FAM161B: variants seen among roughly 807,000 people sequenced by gnomAD.
The protein encoded by FAM161B is FAM161 centrosomal protein B.
In FAM161B, 46 loss-of-function variants were observed where a neutral mutation model predicts 61.5. The observed-to-expected ratio is 0.75, with a 90% CI of 0.59 to 0.96. FAM161B has a LOEUF of 0.96. FAM161B is among the 40% of genes least tolerant of loss of function. FAM161B has a pLI of 0.00. For missense variants in FAM161B, 774 were observed against 800.7 expected (o/e 0.97, Z 0.40); for synonymous variants, 284 against 302.7 (o/e 0.94, Z 0.64).
chr14:73,931,046 AC>A (rs1437595814), downstream of FAM161B, among the ~76,000 whole-genome samples: 1 of 152,172 alleles, frequency 6.6e-6, no homozygotes, highest in Admixed American at 6.5e-5. Flanking sequence ...AGCCCAAGGA[AC>A]CCCTAGATCT....
In FAM161B at chr14:73,942,409, G is replaced by C; in HGVS notation, c.1232C>G (p.Pro411Arg). ...FLLRTANLRH[P>R]QRPCDAATTG... Reference sequence around the variant, plus strand: ...GGTGGCAGCATCACAGGGCCGCTGAGGGTGGCGCAGGTTGGCGGTCCTCAG... The same window carrying C: ...GGTGGCAGCATCACAGGGCCGCTGACGGTGGCGCAGGTTGGCGGTCCTCAG... The change falls in exon 4 of 9, where the codon CCT becomes CGT. Residue 411 changes from proline to arginine, a missense_variant. By Grantham distance (103) the Pro-to-Arg change is moderately radical. Coordinates refer to ENST00000286544, the MANE Select transcript of FAM161B (RefSeq NM_152445.3). 6.2e-7 allele frequency: 1 copy of C among 1,614,216 alleles called. No homozygotes were observed. The highest frequency in any genetic ancestry group is 1.1e-5 in the South Asian group (1 of 91,084).
In FAM161B at chr14:73,933,240, A is replaced by G. The variant is rs927982317; in HGVS notation, c.*1016T>C. On this transcript the variant is annotated 3_prime_UTR_variant, in exon 9 of 9. Transcript: ENST00000286544. ...CCAGGCACATTTTTGCCCCCTGGGG[A>G]TATGCAATATCTGGAGACATTTTTG... 2 of 152,170 alleles carry G rather than the reference A, an allele frequency of 1.3e-5. No individual in the cohort carries two copies. The highest frequency in any genetic ancestry group is 2.9e-5 in the Non-Finnish European group (2 of 68,044). The allele number at this position is 152,170 out of a possible 1,614,324, so 9.4% of individuals were successfully genotyped here.
Position 73,940,939 on chromosome 14 carries a change from C to A in FAM161B, c.1387G>T (p.Glu463Ter). 3.1e-6 allele frequency: 5 copies of A among 1,611,286 alleles called. No homozygotes were observed. Among genetic ancestry groups the A allele is most frequent in the Non-Finnish European group, 4.2e-6 (5 of 1,178,780 alleles). Reference protein sequence around the residue: ...VHITDATRKRESAVRSALEKK... With the variant: ...VHITDATRKR ...CTGACCACTCACCTGACTGCAGATTCCCTCTTCCTGGTGGCATCTGTGATG... is the reference window on the plus strand; with the variant it reads ...CTGACCACTCACCTGACTGCAGATTACCTCTTCCTGGTGGCATCTGTGATG... Residue 463 changes from glutamate (E) to a stop codon, truncating the protein, a stop_gained, in exon 5 of 9, where the codon GAA becomes TAA. Coordinates refer to ENST00000286544, the MANE Select transcript of FAM161B (RefSeq NM_152445.3). LOFTEE classifies it high-confidence loss of function.
In FAM161B at chr14:73,932,399, G is replaced by T. The variant is rs1270263384; in HGVS notation, c.*1857C>A. The stretch of plus-strand genomic sequence containing the variant: ...TCCATACCAGTAAAACTGAACCGAG[G>T]AGTCTTAGGAAACAACAAGAACATC... On this transcript the variant is annotated 3_prime_UTR_variant, in exon 9 of 9. Transcript: ENST00000286544. 3 of 443,218 alleles carry T rather than the reference G, an allele frequency of 6.8e-6. No individual in the cohort carries two copies. The highest frequency in any genetic ancestry group is 1.3e-5 in the Non-Finnish European group (3 of 223,764). 27.5% of individuals were successfully genotyped at this position (443,218 alleles called of 1,614,324 possible).
intron 3 of FAM161B, among the ~76,000 whole-genome samples, chr14:73,943,597 TCTC>T (rs1054924277): frequency 1.3e-5 from 2 of 151,886 alleles, no homozygotes; most frequent in African/African-American, 2.4e-5. Context: ...CTGCTCCACT[TCTC>T]CTCCCTCTTC....
Position 73,942,470 on chromosome 14 carries a change from CTCT to C in FAM161B, c.1168_1170del (p.Arg390del), listed in dbSNP as rs1332267849. On this transcript the variant is annotated inframe_deletion, in exon 4 of 9. Coordinates refer to ENST00000286544, the MANE Select transcript of FAM161B (RefSeq NM_152445.3). ...TTGTTGCGAGTGGCCTCTTGGGTTTCTCTTCTTTTGGCTGCTCTTCTCTGGAAG... is the reference window on the plus strand; with the variant it reads ...TTGTTGCGAGTGGCCTCTTGGGTTTCTCTTTTGGCTGCTCTTCTCTGGAAG... 6 of 1,614,206 alleles carry C rather than the reference CTCT, an allele frequency of 3.7e-6. No individual in the cohort carries two copies. The South Asian group carries it at 6.6e-5, about 18-fold the overall frequency.
In FAM161B at chr14:73,937,663, T is replaced by A; in HGVS notation, c.1604A>T (p.Glu535Val). ...TATTCGCTGCTTCATTTCCTCCAGT[T>A]CTTTCTTATATTCTTTCGCTCTTTT... ...DRKRAKEYKK[E>V]LEEMKQRIQT... The change falls in exon 7 of 9, where the codon GAA (glutamate) becomes GTA (valine). Residue 535 changes from glutamate to valine, a missense_variant. Glu to Val is a moderately radical substitution (Grantham distance 121). Coordinates refer to ENST00000286544, the MANE Select transcript of FAM161B (RefSeq NM_152445.3). 2.5e-6 allele frequency: 4 copies of A among 1,614,188 alleles called. No homozygotes were observed. Among genetic ancestry groups the A allele is most frequent in the Non-Finnish European group, 3.4e-6 (4 of 1,180,044 alleles).
chr14:73,932,738 C>T lies in FAM161B; in HGVS notation c.*1518G>A. ...CTCCTACGCTCAAGGCATCCTCCCA[C>T]CTCAGCCTCCTGAATAGCTAGGACT... On this transcript the variant is annotated 3_prime_UTR_variant, in exon 9 of 9. Coordinates refer to ENST00000286544, the MANE Select transcript of FAM161B (RefSeq NM_152445.3). 1 of 306,468 alleles carries T rather than the reference C, an allele frequency of 3.3e-6. No homozygotes were observed. The highest frequency in any genetic ancestry group is 2.9e-5 in the South Asian group (1 of 34,804). The allele number at this position is 306,468 out of a possible 1,614,324, so 19.0% of individuals were successfully genotyped here.
chr14:73,940,547 G>T (rs1451640084), intron 5 of FAM161B, among the ~76,000 whole-genome samples: 1 of 151,930 alleles, frequency 6.6e-6, no homozygotes, highest in Non-Finnish European at 1.5e-5. Flanking sequence ...CACAAGACAA[G>T]ACCCCCCTGC....
chr14:73,947,737 T>C (rs2140351059), intron 1 of FAM161B, among the ~76,000 whole-genome samples: 1 of 152,282 alleles, frequency 6.6e-6, no homozygotes, highest in South Asian at 2.1e-4. Flanking sequence ...GGAATGTACT[T>C]GTAATCAGTA....
At position 73,946,426 on chromosome 14, in the gene FAM161B, C is replaced by G. The variant is rs7146634; in HGVS notation, c.234G>C (p.Gly78=). 637,565 of 1,613,808 alleles carry G rather than the reference C, an allele frequency of 0.4. 131,415 individuals are homozygous for G. The highest frequency in any genetic ancestry group is 0.43 in the Non-Finnish European group (502,838 of 1,179,918). The change falls in exon 2 of 9, where the codon GGG becomes GGC. Residue 78 remains glycine, a synonymous_variant. Transcript: ENST00000286544. The part of the protein sequence containing the change: ...YQNLQELKQK[G]RWCLLESLFQ... ...AGAGAGACTCCAACAGACACCATCT[C>G]CCTTTCTGCTTCAGTTCCTGTAAGT...
Position 73,946,319 on chromosome 14 carries a change from C to A in FAM161B, c.341G>T (p.Gly114Val), listed in dbSNP as rs761213344. Residue 114 changes from glycine (G) to valine (V), a missense_variant, in exon 2 of 9, where the codon GGG becomes GTG. Transcript: ENST00000286544. ...CTGCGGGCACTGGACCTGCACCATC[C>A]CCCTGTCCTTGTCTTGGAAGAAACT... ...LESFFQDKDR[G>V]MVQVQCPQAL... 1.2e-6 allele frequency: 2 copies of A among 1,614,146 alleles called. No homozygotes were observed. Among genetic ancestry groups the A allele is most frequent in the Non-Finnish European group, 1.7e-6 (2 of 1,180,024 alleles).
chr14:73,926,446 G>C, the FAM161B span, among the ~76,000 whole-genome samples: 1 of 149,246 alleles, frequency 6.7e-6, no homozygotes, highest in African/African-American at 2.5e-5. Flanking sequence ...TTTTGTTTTT[G>C]TTTTGAGACT....
intron 1 of FAM161B, among the ~76,000 whole-genome samples, chr14:73,947,309 C>T (rs748319236): frequency 1.4e-5 from 2 of 142,996 alleles, no homozygotes; most frequent in Non-Finnish European, 3.0e-5. Context: ...CGCTTGAACC[C>T]GGGAGGCGGA....
At chr14:73,949,386 A>AT (rs1326597830) in intron 1 of FAM161B, among the ~76,000 whole-genome samples, 2 of 151,540 alleles carry the variant, frequency 1.3e-5, no homozygotes, top group Admixed American at 6.6e-5. Context: ...CACCCGGCCA[A>AT]TTTTTGTATT....
intron 8 of FAM161B, among the ~76,000 whole-genome samples, chr14:73,935,282 C>T (rs564361042): frequency 1.3e-5 from 2 of 151,998 alleles, no homozygotes; most frequent in Admixed American, 6.6e-5. Flanking sequence ...AATCCCAGCA[C>T]TTTGGGAGGC....
At chr14:73,945,452 T>C (rs2056058381) in intron 2 of FAM161B, among the ~76,000 whole-genome samples, 1 of 152,194 alleles carries the variant, frequency 6.6e-6, no homozygotes. Flanking sequence ...TATTTACTTA[T>C]TTTTTGAGAT....
At chr14:73,946,771 A>T (rs1420111990) in intron 1 of FAM161B, among the ~76,000 whole-genome samples, 166 bp from the exon 2 acceptor site, 1 of 152,120 alleles carries the variant, frequency 6.6e-6, no homozygotes, top group Non-Finnish European at 1.5e-5. Context: ...CTTTGGGAGG[A>T]ATTTTTAAAA....
At chr14:73,944,280 T>C in intron 3 of FAM161B, 55 bp downstream of exon 3, 3 of 1,529,758 alleles carry the variant, frequency 2.0e-6, no homozygotes, top group Admixed American at 2.1e-5. Flanking sequence ...TAAATCCCTA[T>C]GGTGGGATTG....
Sources: allele counts gnomAD v4.1 joint callset (sites outside exome capture counted in the v4.1 genomes callset), GRCh38; gene constraint gnomAD v4.1.1; transcripts MANE v1.5; gene names NCBI Gene and HGNC (gene_info 2026-07-23, HGNC 2026-07-21).